The following TNIK variants were observed in gnomAD, a reference collection of about 807,000 sequenced individuals.
TNIK encodes TRAF2 and NCK interacting kinase, also known as TRAF2 and NCK-interacting protein kinase.
A neutral mutation model predicts 191.3 loss-of-function variants in TNIK; 49 were observed. That is an observed-to-expected ratio of 0.26 (90% confidence interval 0.20 to 0.32). TNIK has a LOEUF of 0.32. Among genes scored for constraint, TNIK ranks in the 10% least tolerant of loss-of-function variants. The pLI is 1.00. For synonymous variants in TNIK, 594 were observed against 600.9 expected (o/e 0.99, Z 0.17); for missense variants, 1,155 against 1,702.3 (o/e 0.68, Z 5.66).
Position 171,194,616 on chromosome 3 carries a change from C to A in TNIK, c.326G>T (p.Gly109Val). The A allele has an allele frequency of 6.2e-7, 1 of 1,613,722 alleles. No individual in the cohort carries two copies. Among genetic ancestry groups the A allele is most frequent in the Non-Finnish European group, 8.5e-7 (1 of 1,179,806 alleles). ...GATCAGGTCGGTGACAGAGCCAGCA[C>A]CACAAAACTCCATCACCAACTGGCA... ...DQLWLVMEFC[G>V]AGSVTDLIKN... Residue 109 changes from glycine to valine, a missense_variant, in exon 5 of 33, where the codon GGT (glycine) becomes GTT (valine). Gly to Val is a moderately radical substitution (Grantham distance 109, BLOSUM62 -3). Transcript: ENST00000436636.
chr3:171,353,068 T>G (rs2108443973), intron 2 of TNIK, among the ~76,000 whole-genome samples: 1 of 152,346 alleles, frequency 6.6e-6, no homozygotes, highest in African/African-American at 2.4e-5. Context: ...AATTCTTTTC[T>G]ACCTTTTTAG....
chr3:171,181,200 A>G lies in TNIK; in HGVS notation c.640-3820T>C, dbSNP rs565146147. ...TCAAATAGAGGTTTCCAATTTAGCT[A>G]CATGCAGACTGTTGCTCAGAGCTTA... On this transcript the variant is annotated intron_variant, in intron 7 of 32. Transcript: ENST00000436636. 5.4e-4 allele frequency among the ~76,000 whole-genome samples: 83 copies of G among 152,350 alleles called. 4 individuals are homozygous for G. Among genetic ancestry groups the G allele is most frequent in the African/African-American group, 1.9e-3 (77 of 41,594 alleles).
chr3:171,306,370 GTTAAAATTTAAA>G (rs1753455966), intron 2 of TNIK, among the ~76,000 whole-genome samples: 1 of 152,020 alleles, frequency 6.6e-6, no homozygotes, highest in Non-Finnish European at 1.5e-5. Flanking sequence ...TAAAGTAAAA[GTTAAAATTTAAA>G]TTAAAGAAAA....
chr3:171,155,549 A>T (rs1733058057), intron 12 of TNIK, among the ~76,000 whole-genome samples: 1 of 152,222 alleles, frequency 6.6e-6, no homozygotes, highest in South Asian at 2.1e-4. Context: ...CTTCTGTGCA[A>T]GCCAGGATTG....
intron 2 of TNIK, among the ~76,000 whole-genome samples, chr3:171,236,926 G>T (rs1451319459): frequency 6.6e-6 from 1 of 152,146 alleles, no homozygotes; most frequent in South Asian, 2.1e-4. Context: ...AGACACGATA[G>T]GCTGGGGGTT....
At chr3:171,174,403 G>A (rs1295828694) in intron 9 of TNIK, among the ~76,000 whole-genome samples, 1 of 152,150 alleles carries the variant, frequency 6.6e-6, no homozygotes, top group East Asian at 1.9e-4. Flanking sequence ...TGCAGGAATT[G>A]ACCTCAGACC....
Position 171,237,547 on chromosome 3 carries a change from TC to T in TNIK, c.124-9327del, listed in dbSNP as rs527660724. On this transcript the variant is annotated intron_variant, in intron 2 of 32. Coordinates refer to ENST00000436636, the MANE Select transcript of TNIK (RefSeq NM_015028.4). The stretch of plus-strand genomic sequence containing the variant: ...CAATGAGCACTCCCAGCCAAATGTC[TC>T]CTCTGTAAGAATGTGTATGTTTATT... 1.1e-3 allele frequency among the ~76,000 whole-genome samples: 161 copies of T among 151,806 alleles called. 1 individual carries two copies. The highest frequency in any genetic ancestry group is 3.7e-3 in the African/African-American group (154 of 41,402).
At chr3:171,100,230 CTAGAACAATTT>C (rs1160380799) in intron 22 of TNIK, among the ~76,000 whole-genome samples, 1 of 152,144 alleles carries the variant, frequency 6.6e-6, no homozygotes, top group East Asian at 1.9e-4. Context: ...GATTTTGCCT[CTAGAACAATTT>C]TATTTACTTT....
At chr3:171,219,814 C>T (rs1471075476) in intron 3 of TNIK, among the ~76,000 whole-genome samples, 7 of 152,000 alleles carry the variant, frequency 4.6e-5, no homozygotes, top group Non-Finnish European at 8.8e-5. Context: ...TTAGTTTGAC[C>T]GTTGTGGAAG....
rs1174923526 is a variant in TNIK, at chr3:171,290,149, G to A, written c.124-61928C>T. ...GCACTTTGGGCTCTTGAGAAGGCAC[G>A]TACTACTCTAACCATCAACAGTCGA... On this transcript the variant is annotated intron_variant, in intron 2 of 32. Transcript: ENST00000436636. Among the ~76,000 whole-genome samples the A allele has an allele frequency of 3.3e-5, 5 of 152,196 alleles. No individual in the cohort carries two copies. The South Asian group carries it at 6.2e-4, about 19-fold the overall frequency.
chr3:171,064,965 G>T (rs900517670), intron 32 of TNIK, among the ~76,000 whole-genome samples: 15 of 152,182 alleles, frequency 9.9e-5, no homozygotes, highest in African/African-American at 3.6e-4. Context: ...TCAAAACGGA[G>T]AAGGACAGAG....
chr3:171,458,114 G>T (rs193292365), intron 1 of TNIK, among the ~76,000 whole-genome samples: 1 of 152,080 alleles, frequency 6.6e-6, no homozygotes, highest in Non-Finnish European at 1.5e-5. Flanking sequence ...CAAGCCCTGC[G>T]CATTGTTCAG....
chr3:171,347,391 TCACACACACACACACA>T (rs150384769), intron 2 of TNIK, among the ~76,000 whole-genome samples: 9 of 146,070 alleles, frequency 6.2e-5, no homozygotes, highest in African/African-American at 1.0e-4. Context: ...GAAGTGCCTA[TCACACACACACACACA>T]CACACACACA....
intron 2 of TNIK, among the ~76,000 whole-genome samples, chr3:171,246,779 T>C (rs1415468682): frequency 1.3e-5 from 2 of 152,208 alleles, no homozygotes. Context: ...GTGACTTCAG[T>C]CTAGGACATA....
At chr3:171,111,023 G>A (rs1265401741) in intron 18 of TNIK, 146 bp from the exon 19 acceptor site, 2 of 786,882 alleles carry the variant, frequency 2.5e-6, no homozygotes, top group Admixed American at 3.5e-5. Flanking sequence ...AATTAAAAAT[G>A]GGGAAAGGAC....
intron 1 of TNIK, among the ~76,000 whole-genome samples, chr3:171,418,400 T>G (rs1027878511): frequency 6.6e-6 from 1 of 152,196 alleles, no homozygotes; most frequent in African/African-American, 2.4e-5. Context: ...CAGATGTTCA[T>G]AGCAGCATTA....
intron 2 of TNIK, among the ~76,000 whole-genome samples, chr3:171,324,037 A>T (rs537643369): frequency 6.6e-6 from 1 of 152,084 alleles, no homozygotes. Flanking sequence ...TTGGCATTTT[A>T]AAAAACAAAA....
At chr3:171,095,031 C>T (rs1722537870) in intron 22 of TNIK, among the ~76,000 whole-genome samples, 1 of 152,168 alleles carries the variant, frequency 6.6e-6, no homozygotes, top group Non-Finnish European at 1.5e-5. Flanking sequence ...AACATTCTGG[C>T]TTATTGGGGC....
chr3:171,385,917 G>A (rs1188826746), intron 1 of TNIK, among the ~76,000 whole-genome samples: 1 of 152,126 alleles, frequency 6.6e-6, no homozygotes, highest in African/African-American at 2.4e-5. Flanking sequence ...AAGAATATAA[G>A]CCAGTCATTT....
Sources: allele counts gnomAD v4.1 joint callset (sites outside exome capture counted in the v4.1 genomes callset), GRCh38; gene constraint gnomAD v4.1.1; transcripts MANE v1.5; gene names NCBI Gene and HGNC (gene_info 2026-07-23, HGNC 2026-07-21).